The following HELQ variants were observed in gnomAD, a reference collection of about 807,000 sequenced individuals.
The protein encoded by HELQ is helicase, POLQ like.
Under a neutral mutation model 111.6 loss-of-function variants are expected in HELQ, and 77 were observed. The ratio of observed to expected loss-of-function variants is 0.69; its 90% CI spans 0.57 to 0.83. The LOEUF is 0.83. Among genes scored for constraint, HELQ ranks in the 40% least tolerant of loss-of-function variants. The pLI is 0.00. For synonymous variants in HELQ, 438 were observed against 454.7 expected (o/e 0.96, Z 0.47); for missense variants, 1,200 against 1,288.5 (o/e 0.93, Z 1.05).
chr4:83,448,369 A>G (rs1721164285), intron 3 of HELQ, among the ~76,000 whole-genome samples: 1 of 152,160 alleles, frequency 6.6e-6, no homozygotes, highest in African/African-American at 2.4e-5. Flanking sequence ...TTAATTCTCC[A>G]TCATTAAGAG....
intron 17 of HELQ, among the ~76,000 whole-genome samples, chr4:83,413,423 C>T (rs891059772): frequency 6.6e-6 from 1 of 151,882 alleles, no homozygotes; most frequent in African/African-American, 2.4e-5. Context: ...AGTGGGGGAA[C>T]AACAACAACA....
Position 83,443,583 on chromosome 4 carries a change from T to C in HELQ, c.1497A>G (p.Thr499=). Reference sequence around the variant, plus strand: ...TTTGTAGGTCTTCAACATTGTTTAATGTTGCACTCATACCAATAATTTGAG... The same window carrying C: ...TTTGTAGGTCTTCAACATTGTTTAACGTTGCACTCATACCAATAATTTGAG... ...KTTQIIGMSA[T]LNNVEDLQKF... The change falls in exon 6 of 18, where the codon ACA becomes ACG. Residue 499 remains threonine, a synonymous_variant. Transcript: ENST00000295488. The C allele has an allele frequency of 1.3e-6, 2 of 1,586,854 alleles. No individual in the cohort carries two copies. Among genetic ancestry groups the C allele is most frequent in the Non-Finnish European group, 1.7e-6 (2 of 1,159,256 alleles).
In HELQ at chr4:83,422,575, A is replaced by G. The variant is rs376086061; in HGVS notation, c.2776-839T>C. ...ATGCATCTATAAGCCAAGGAACACC[A>G]AGGACTGCCAGTAACCATCAGAAGC... On this transcript the variant is annotated intron_variant, in intron 14 of 17. Transcript: ENST00000295488. Among the ~76,000 whole-genome samples, 15 of 152,312 alleles carry G rather than the reference A, an allele frequency of 9.8e-5. 1 individual carries two copies. Among genetic ancestry groups the G allele is most frequent in the Admixed American group, 8.5e-4 (13 of 15,296 alleles).
In HELQ at chr4:83,453,733, A is replaced by G. The variant is rs763278397; in HGVS notation, c.510T>C (p.Thr170=). The G allele has an allele frequency of 6.2e-7, 1 of 1,614,040 alleles. No individual in the cohort carries two copies. The highest frequency in any genetic ancestry group is 8.5e-7 in the Non-Finnish European group (1 of 1,180,004). ...CACTCTGGTTCTCTGTGTGCTTATC[A>G]GTTTGTAATTCAGTAAGGTTGCCTA... is the stretch of plus-strand genomic sequence containing the variant. The part of the protein sequence containing the change: ...TTIGNLTELQ[T]DKHTENQSGY... The change falls in exon 2 of 18, where the codon ACT becomes ACC. Residue 170 remains threonine (T), a synonymous_variant. Transcript: ENST00000295488.
chr4:83,453,995 T>C, intron 1 of HELQ, 50 bp from the exon 2 acceptor site: 2 of 1,158,084 alleles, frequency 1.7e-6, no homozygotes, highest in Non-Finnish European at 2.5e-6. Flanking sequence ...TCATTAAGAA[T>C]AAAAGCTTCA....
chr4:83,430,451 C>T (rs548871692), intron 11 of HELQ, among the ~76,000 whole-genome samples: 75 of 152,192 alleles, frequency 4.9e-4, no homozygotes, highest in African/African-American at 1.7e-3. Flanking sequence ...CACTGTTATT[C>T]ACTATTTATA....
intron 14 of HELQ, 85 bp downstream of exon 14, chr4:83,425,909 G>A (rs1719822777): frequency 1.5e-6 from 1 of 686,808 alleles, no homozygotes; most frequent in Non-Finnish European, 2.6e-6. Context: ...TCAATATAAT[G>A]GTACTAATTT....
chr4:83,418,550 G>T (rs1175240769), intron 15 of HELQ, among the ~76,000 whole-genome samples: 2 of 152,162 alleles, frequency 1.3e-5, no homozygotes, highest in Admixed American at 1.3e-4. Context: ...TTATCTGGAA[G>T]ATGAATATTA....
Position 83,455,502 on chromosome 4 carries a change from C to T in HELQ, c.192G>A (p.Gln64=), listed in dbSNP as rs1178892854. ...KTAGVLPVEV[Q]PLLLSDSPEC... is the part of the protein sequence containing the mutation. The stretch of plus-strand genomic sequence containing the variant: ...CCGGGGAATCTGAGAGTAGAAGGGG[C>T]TGTACCTCAACCGGCAGTACGCCCG... Residue 64 remains glutamine (Q), a synonymous_variant, in exon 1 of 18, where the codon CAG becomes CAA. Coordinates refer to ENST00000295488, the MANE Select transcript of HELQ (RefSeq NM_133636.5). 16 of 1,614,166 alleles carry T rather than the reference C, an allele frequency of 9.9e-6. No individual in the cohort carries two copies. Among genetic ancestry groups the T allele is most frequent in the Non-Finnish European group, 1.2e-5 (14 of 1,180,030 alleles).
At chr4:83,449,042 A>C in intron 2 of HELQ, 81 bp from the exon 3 acceptor site, 2 of 999,974 alleles carry the variant, frequency 2.0e-6, no homozygotes, top group South Asian at 1.7e-5. Flanking sequence ...AAAAAATCAA[A>C]TCCCTTCCTG....
rs1720190317 is a variant in HELQ, at chr4:83,432,194, C to T, written c.2122G>A (p.Ala708Thr). ...ATAGTATCTATTCCAGCACGACCAGCTCTGCCAATCATCTGTTTATATTGA... is the reference window on the plus strand; with the variant it reads ...ATAGTATCTATTCCAGCACGACCAGTTCTGCCAATCATCTGTTTATATTGA... ...RNQYKQMIGR[A>T]GRAGIDTIGE... Residue 708 changes from alanine (A) to threonine (T), a missense_variant, in exon 10 of 18, where the codon GCT becomes ACT. Physicochemically the swap from Ala to Thr is moderately conservative, Grantham distance 58. Coordinates refer to ENST00000295488, the MANE Select transcript of HELQ (RefSeq NM_133636.5). 6.2e-7 allele frequency: 1 copy of T among 1,602,784 alleles called. No individual in the cohort carries two copies. The highest frequency in any genetic ancestry group is 1.3e-5 in the African/African-American group (1 of 74,538).
chr4:83,450,834 C>T (rs1055069232), intron 2 of HELQ, among the ~76,000 whole-genome samples: 12 of 152,062 alleles, frequency 7.9e-5, no homozygotes, highest in African/African-American at 1.2e-4. Context: ...GGTATGGTGG[C>T]GCATGCCTAT....
Position 83,416,790 on chromosome 4 carries a change from C to T in HELQ, c.3139G>A (p.Val1047Ile), listed in dbSNP as rs749332346. Reference protein sequence around the residue: ...HLANANPEVLVRTIDHLSRRQ... With the variant: ...HLANANPEVLIRTIDHLSRRQ... ...CTTGATAAATGATCAATTGTCCTTA[C>T]GAGCACTTCAGGATTTGCATTAGCT... is the stretch of plus-strand genomic sequence containing the variant. Residue 1047 changes from valine (V) to isoleucine (I), a missense_variant, in exon 17 of 18, where the codon GTA (valine) becomes ATA (isoleucine). Val to Ile is a conservative substitution (Grantham distance 29). Transcript: ENST00000295488. The T allele has an allele frequency of 1.3e-5, 21 of 1,613,784 alleles. 1 individual carries two copies. Among genetic ancestry groups the T allele is most frequent in the East Asian group, 4.5e-5 (2 of 44,876 alleles).
chr4:83,418,844 G>C (rs1739498144), intron 15 of HELQ, among the ~76,000 whole-genome samples: 1 of 152,198 alleles, frequency 6.6e-6, no homozygotes, highest in Admixed American at 6.5e-5. Context: ...GAAGATGGCA[G>C]AGTAAAAAGA....
chr4:83,408,136 A>AC (rs1164143793), intron 17 of HELQ, among the ~76,000 whole-genome samples: 1 of 152,214 alleles, frequency 6.6e-6, no homozygotes, highest in Admixed American at 6.5e-5. Context: ...ATAATAAGTA[A>AC]ACTACACAAA....
intron 3 of HELQ, among the ~76,000 whole-genome samples, chr4:83,447,726 G>C (rs1721127228): frequency 1.3e-5 from 2 of 151,906 alleles, no homozygotes; most frequent in East Asian, 1.9e-4. Flanking sequence ...GGGCGTGGTG[G>C]CGTGTGCTTG....
intron 9 of HELQ, among the ~76,000 whole-genome samples, chr4:83,432,878 C>T (rs1720230046): frequency 6.6e-6 from 1 of 151,832 alleles, no homozygotes; most frequent in Admixed American, 6.6e-5. Flanking sequence ...GAGATGCAGT[C>T]TCTACAAAAA....
In HELQ at chr4:83,425,999, C is replaced by CGAA. The variant is rs1553928002; in HGVS notation, c.2769_2770insTTC (p.Ile923_Gly924insPhe). On this transcript the variant is annotated inframe_insertion, in exon 14 of 18. Transcript: ENST00000295488. ...AGAAAAAAAGAATGTGGTACCTTTC[C>CGAA]GATGGCTTGGCCTGATGCTTTCTTC... is the stretch of plus-strand genomic sequence containing the variant. The CGAA allele has an allele frequency of 6.4e-7, 1 of 1,567,398 alleles. No homozygotes were observed.
At chr4:83,434,412 T>C (rs1357330125) in intron 9 of HELQ, among the ~76,000 whole-genome samples, 1 of 151,990 alleles carries the variant, frequency 6.6e-6, no homozygotes. Context: ...AACTGAATAA[T>C]GAATGAAAAT....
Sources: allele counts gnomAD v4.1 joint callset (sites outside exome capture counted in the v4.1 genomes callset), GRCh38; gene constraint gnomAD v4.1.1; transcripts MANE v1.5; gene names NCBI Gene and HGNC (gene_info 2026-07-23, HGNC 2026-07-21).